Variants in KANK1 observed in about 807,000 individuals in gnomAD.
The protein encoded by KANK1 is KN motif and ankyrin repeat domains 1.
KANK1 carries 109 observed loss-of-function variants against 106.2 expected under a neutral mutation model. That is an observed-to-expected ratio of 1.03 (90% CI 0.88 to 1.20). The LOEUF (loss-of-function observed/expected upper bound fraction) is 1.20, where lower values mean the gene tolerates loss of function less well. Ranked by LOEUF, KANK1 falls within the 50% of genes most tolerant of loss-of-function variation. The pLI is 0.00. For synonymous variants in KANK1, 873 were observed against 652.2 expected (o/e 1.34, Z -5.16); for missense variants, 2,399 against 1,710.7 (o/e 1.40, Z -7.10).
At chr9:477,783 C>T (rs1326677616) in intron 3 of KANK1, 1 of 152,306 alleles carries the variant, frequency 6.6e-6, no homozygotes, top group African/African-American at 2.4e-5. Context: ...GCATGGGCCT[C>T]TTGGCTTGGA....
chr9:717,470 C>T (rs913850983), intron 3 of KANK1, among the ~76,000 whole-genome samples: 4 of 152,052 alleles, frequency 2.6e-5, no homozygotes, highest in African/African-American at 7.2e-5. Context: ...ACATAGTCCG[C>T]CTCTTTGTTT....
At chr9:540,394 C>T (rs567331029) in intron 1 of KANK1, 4 of 152,282 alleles carry the variant, frequency 2.6e-5, no homozygotes, top group East Asian at 1.9e-4. Flanking sequence ...CCCATTTGTT[C>T]ATGGTGTATG....
intron 1 of KANK1, among the ~76,000 whole-genome samples, chr9:641,931 T>C (rs1201769619): frequency 6.6e-6 from 1 of 152,110 alleles, no homozygotes; most frequent in African/African-American, 2.4e-5. Context: ...TTAGAACATT[T>C]TCATCACCCC....
intron 1 of KANK1, among the ~76,000 whole-genome samples, chr9:582,829 C>CA (rs35601371): frequency 6.6e-6 from 1 of 152,178 alleles, no homozygotes; most frequent in Non-Finnish European, 1.5e-5. Context: ...TTGCCCCTCA[C>CA]AAAAGCGTGG....
intron 1 of KANK1, among the ~76,000 whole-genome samples, chr9:629,615 G>A (rs10975483): frequency 2.0e-5 from 3 of 152,008 alleles, no homozygotes; most frequent in Non-Finnish European, 4.4e-5. Flanking sequence ...AAGTGCATTG[G>A]TCTCTGAAGC....
chr9:724,001 G>A (rs571401058), intron 3 of KANK1, among the ~76,000 whole-genome samples: 36 of 151,922 alleles, frequency 2.4e-4, no homozygotes, highest in Middle Eastern at 3.4e-3. Flanking sequence ...TATTTGGGGG[G>A]CTGAGGTGGG....
chr9:674,627 C>T (rs1374262652), intron 1 of KANK1, among the ~76,000 whole-genome samples: 1 of 152,074 alleles, frequency 6.6e-6, no homozygotes, highest in Non-Finnish European at 1.5e-5. Context: ...TGATAGTTTC[C>T]TTTTTTGAAT....
intron 1 of KANK1, among the ~76,000 whole-genome samples, chr9:600,078 CTG>C (rs1026967043): frequency 4.0e-5 from 6 of 151,736 alleles, no homozygotes; most frequent in African/African-American, 1.2e-4. Flanking sequence ...ACTATCTTAA[CTG>C]TTTTTTTAAT....
At chr9:588,367 C>T (rs1314865452) in intron 1 of KANK1, among the ~76,000 whole-genome samples, 1 of 152,150 alleles carries the variant, frequency 6.6e-6, no homozygotes, top group African/African-American at 2.4e-5. Context: ...GAACATCTGT[C>T]ATGCACATCT....
Position 713,002 on chromosome 9 carries a change from T to G in KANK1, c.2236T>G (p.Ser746Ala). 1.2e-6 allele frequency: 2 copies of G among 1,614,084 alleles called. No homozygotes were observed. The highest frequency in any genetic ancestry group is 1.7e-6 in the Non-Finnish European group (2 of 1,180,004). Reference sequence around the variant, plus strand: ...TGTTGGAACGTTGCTTTCTGGCCATTCTGGGTTTGACAGGCCATCAGCTGT... The same window carrying G: ...TGTTGGAACGTTGCTTTCTGGCCATGCTGGGTTTGACAGGCCATCAGCTGT... ...IGVGTLLSGH[S>A]GFDRPSAVKT... is the part of the protein sequence containing the mutation. Residue 746 changes from serine (S) to alanine (A), a missense_variant, in exon 3 of 12, where the codon TCT (serine) becomes GCT (alanine). Ser to Ala is a moderately conservative substitution (Grantham distance 99). Transcript: ENST00000382297.
chr9:528,226 A>G (rs963615057), intron 1 of KANK1, among the ~76,000 whole-genome samples: 1 of 152,064 alleles, frequency 6.6e-6, no homozygotes, highest in East Asian at 1.9e-4. Context: ...TGGGCACACA[A>G]TGGCCTTCTC....
chr9:560,426 A>C (rs1379170572), intron 1 of KANK1, among the ~76,000 whole-genome samples: 1 of 152,196 alleles, frequency 6.6e-6, no homozygotes, highest in Non-Finnish European at 1.5e-5. Flanking sequence ...CTATTAAGGA[A>C]GAGGAAAGTT....
At chr9:496,429 G>A (rs961471812) in intron 3 of KANK1, among the ~76,000 whole-genome samples, 2 of 152,094 alleles carry the variant, frequency 1.3e-5, no homozygotes, top group African/African-American at 4.8e-5. Flanking sequence ...TGGCACATAT[G>A]CCTGTATGTG....
chr9:685,312 A>C (rs1818338374), intron 2 of KANK1, among the ~76,000 whole-genome samples: 1 of 152,204 alleles, frequency 6.6e-6, no homozygotes, highest in Non-Finnish European at 1.5e-5. Flanking sequence ...TTTGAGATTT[A>C]AAAATATATA....
chr9:736,735 A>G (rs779382066), intron 7 of KANK1, among the ~76,000 whole-genome samples: 13 of 152,124 alleles, frequency 8.5e-5, no homozygotes, highest in Non-Finnish European at 1.5e-4. Flanking sequence ...GGAAACATAG[A>G]ACTACATATT....
At chr9:729,833 A>G (rs1459594818) in intron 3 of KANK1, among the ~76,000 whole-genome samples, 3 of 152,304 alleles carry the variant, frequency 2.0e-5, no homozygotes, top group East Asian at 1.9e-4. Flanking sequence ...CAGCCAAAAC[A>G]GAGAAAAGAA....
intron 1 of KANK1, among the ~76,000 whole-genome samples, chr9:561,786 C>G (rs1323787390): frequency 6.6e-6 from 1 of 152,180 alleles, no homozygotes; most frequent in Non-Finnish European, 1.5e-5. Context: ...CTAGAACTTT[C>G]ACATTTCAGT....
chr9:490,205 G>GTTAA (rs766812409), intron 3 of KANK1, among the ~76,000 whole-genome samples: 23 of 152,102 alleles, frequency 1.5e-4, no homozygotes, highest in Non-Finnish European at 1.9e-4. Context: ...ATCTCCACTG[G>GTTAA]TTAAACAAAT....
At chr9:718,947 C>T (rs1014282456) in intron 3 of KANK1, among the ~76,000 whole-genome samples, 23 of 144,378 alleles carry the variant, frequency 1.6e-4, no homozygotes, top group African/African-American at 5.1e-4. Context: ...AATTCATGCT[C>T]GAGCCCTTTT....
Sources: allele counts gnomAD v4.1 joint callset (sites outside exome capture counted in the v4.1 genomes callset), GRCh38; gene constraint gnomAD v4.1.1; transcripts MANE v1.5; gene names NCBI Gene and HGNC (gene_info 2026-07-23, HGNC 2026-07-21).